The following ABHD2 variants were observed in gnomAD, a reference collection of about 807,000 sequenced individuals.
The protein encoded by ABHD2 is abhydrolase domain containing 2, acylglycerol lipase.
Under a neutral mutation model 48.1 loss-of-function variants are expected in ABHD2, and 20 were observed. That is an observed-to-expected ratio of 0.42 (90% CI 0.29 to 0.60). The LOEUF (loss-of-function observed/expected upper bound fraction) is 0.60. Among genes scored for constraint, ABHD2 ranks in the 20% least tolerant of loss-of-function variants. ABHD2 has a pLI of 0.24. For synonymous variants in ABHD2, 209 were observed against 214.2 expected, an observed-to-expected ratio of 0.98 and a Z score of 0.21; for missense variants, 405 against 550.9, an observed-to-expected ratio of 0.74 and a Z score of 2.65.
intron 5 of ABHD2, among the ~76,000 whole-genome samples, chr15:89,163,493 T>C (rs1380544212): frequency 6.6e-6 from 1 of 152,240 alleles, no homozygotes; most frequent in Non-Finnish European, 1.5e-5. Flanking sequence ...AGGTAGGTTT[T>C]AATTAGTATC....
intron 4 of ABHD2, among the ~76,000 whole-genome samples, chr15:89,154,000 A>G (rs2150892130): frequency 6.6e-6 from 1 of 152,306 alleles, no homozygotes. Flanking sequence ...CAACTTTGTG[A>G]TTATCAATAA....
rs2049632186 is a variant in ABHD2, at chr15:89,097,535, CT to C, written c.-107+8976del. ...ATTGATTGCTCTACCATTTATGTCT[CT>C]TTTAAGCTATAGGTCCCCTTTTCTT... On this transcript the variant is annotated intron_variant, in intron 1 of 10. Transcript: ENST00000352732. This position sits in a 1 kb window ranked among gnomAD's most constrained non-coding sequence, Gnocchi z 4.2. 6.6e-6 allele frequency among the ~76,000 whole-genome samples: 1 copy of C among 152,200 alleles called. No homozygotes were observed. The highest frequency in any genetic ancestry group is 2.4e-5 in the African/African-American group (1 of 41,454).
In ABHD2 at chr15:89,201,287, T is replaced by C; in HGVS notation, c.*5864T>C. 5 of 1,156,412 alleles carry C rather than the reference T, an allele frequency of 4.3e-6. No homozygotes were observed. Among genetic ancestry groups the C allele is most frequent in the Non-Finnish European group, 6.4e-6 (5 of 780,670 alleles). The allele number at this position is 1,156,412 out of a possible 1,614,324, so 71.6% of individuals were successfully genotyped here. A position where few individuals can be genotyped will look rare whatever the true frequency, so the allele number is the denominator to read the frequency against. On this transcript the variant is annotated 3_prime_UTR_variant, in exon 11 of 11. Coordinates refer to ENST00000352732, the MANE Select transcript of ABHD2 (RefSeq NM_152924.5). ...CATTTCTCCCTGAAGTCTTTTACACTCTTCTGTTAGTTTCCTTGTTTCAGT... is the reference window on the plus strand; with the variant it reads ...CATTTCTCCCTGAAGTCTTTTACACCCTTCTGTTAGTTTCCTTGTTTCAGT...
the ABHD2 span, among the ~76,000 whole-genome samples, chr15:89,064,141 T>C: frequency 6.6e-6 from 1 of 152,028 alleles, no homozygotes; most frequent in Non-Finnish European, 1.5e-5. Flanking sequence ...TTTAGCATAA[T>C]GCCTTTAAGC....
At chr15:89,066,549 A>G in the ABHD2 span, among the ~76,000 whole-genome samples, 2 of 152,144 alleles carry the variant, frequency 1.3e-5, no homozygotes, top group African/African-American at 4.8e-5. Context: ...GGACTTGAAC[A>G]TATATTTTGG....
rs1437842439 is a variant in ABHD2, at chr15:89,120,556, G to A, written c.194+4035G>A. Among the ~76,000 whole-genome samples, 3 of 151,944 alleles carry A rather than the reference G, an allele frequency of 2.0e-5. No homozygotes were observed. Among genetic ancestry groups the A allele is most frequent in the East Asian group, 3.9e-4 (2 of 5,166 alleles). On this transcript the variant is annotated intron_variant, in intron 3 of 10. Transcript: ENST00000352732. The surrounding 1 kb of genome is among the most constrained non-coding windows in gnomAD (Gnocchi z 4.2). ...GTACAGTGGCGCAATCTCAAATCTC[G>A]GTTCACTGCAACTTCTGCCTCACGG...
In ABHD2 at chr15:89,195,002, T is replaced by C. The variant is rs1369218627; in HGVS notation, c.1082-225T>C. On this transcript the variant is annotated intron_variant, in intron 10 of 10. Transcript: ENST00000352732. The surrounding 1 kb of genome is among the most constrained non-coding windows in gnomAD (Gnocchi z 5.1). ...TTAGAGTTCTAAGGCTTTCTTCAGC[T>C]GGTGCCCATTCAGCTCCAAAGCCAA... 6.6e-6 allele frequency among the ~76,000 whole-genome samples: 1 copy of C among 152,218 alleles called. No individual in the cohort carries two copies. The highest frequency in any genetic ancestry group is 2.4e-5 in the African/African-American group (1 of 41,468).
At chr15:89,110,673 A>T (rs2049859972) in intron 1 of ABHD2, among the ~76,000 whole-genome samples, 1 of 152,318 alleles carries the variant, frequency 6.6e-6, no homozygotes, top group Middle Eastern at 3.4e-3. Flanking sequence ...ACCCCCAGGG[A>T]CATGCAGAAC....
chr15:89,101,611 A>C (rs1306910227), intron 1 of ABHD2, among the ~76,000 whole-genome samples: 1 of 152,238 alleles, frequency 6.6e-6, no homozygotes. Context: ...TGAGGACTGA[A>C]TTACAAGTAC....
At chr15:89,138,575 T>C (rs1352991650) in intron 3 of ABHD2, among the ~76,000 whole-genome samples, 1 of 152,208 alleles carries the variant, frequency 6.6e-6, no homozygotes, top group East Asian at 1.9e-4. Flanking sequence ...AAAAAACTCC[T>C]CTAACAAGAA....
intron 5 of ABHD2, among the ~76,000 whole-genome samples, chr15:89,170,091 T>TG (rs2050899067): frequency 1.0e-5 from 1 of 100,460 alleles, no homozygotes; most frequent in Non-Finnish European, 1.8e-5. Flanking sequence ...TTTTTTTTTT[T>TG]TTTTTTTTTT....
Position 89,197,560 on chromosome 15 carries a change from G to A in ABHD2, c.*2137G>A, listed in dbSNP as rs886693775. 2 of 152,240 alleles carry A rather than the reference G, an allele frequency of 1.3e-5. No individual in the cohort carries two copies. Among genetic ancestry groups the A allele is most frequent in the Non-Finnish European group, 2.9e-5 (2 of 68,058 alleles). 9.4% of individuals were successfully genotyped at this position (152,240 alleles called of 1,614,324 possible). A position where few individuals can be genotyped will look rare whatever the true frequency, so the allele number is the denominator to read the frequency against. On this transcript the variant is annotated 3_prime_UTR_variant, in exon 11 of 11. Transcript: ENST00000352732. The surrounding 1 kb of genome is among the most constrained non-coding windows in gnomAD (Gnocchi z 4.4). The stretch of plus-strand genomic sequence containing the variant: ...GACTGAATCACCACCCCAGAAGAGC[G>A]AGAGGCTCCTTTCATATGCCTGAGG...
rs1203180009 is a variant in ABHD2, at chr15:89,100,597, A to C, written c.-107+12034A>C. The stretch of plus-strand genomic sequence containing the variant: ...AAAAAGGAACCTTATTGGCCAGGCA[A>C]AGTGGCTCACGCCTGTAATCCCAGC... On this transcript the variant is annotated intron_variant, in intron 1 of 10. Transcript: ENST00000352732. The surrounding 1 kb of genome is among the most constrained non-coding windows in gnomAD (Gnocchi z 4.4). Among the ~76,000 whole-genome samples the C allele has an allele frequency of 6.6e-6, 1 of 152,148 alleles. No homozygotes were observed.
chr15:89,152,077 GTTTT>G (rs34458230), intron 4 of ABHD2, among the ~76,000 whole-genome samples: 1 of 139,886 alleles, frequency 7.1e-6, no homozygotes, highest in Non-Finnish European at 1.6e-5. Context: ...TTGTAGAATA[GTTTT>G]TTTTTTTTTT....
intron 5 of ABHD2, among the ~76,000 whole-genome samples, chr15:89,163,994 T>A (rs1201594469): frequency 6.6e-6 from 1 of 151,978 alleles, no homozygotes. Context: ...GACTAAGGAG[T>A]GAGGAAATAG....
rs1392629944 is a variant in ABHD2 at position 89,182,223 on chromosome 15, T to G, written c.723-3201T>G. 6.6e-6 allele frequency among the ~76,000 whole-genome samples: 1 copy of G among 152,208 alleles called. No individual in the cohort carries two copies. Among genetic ancestry groups the G allele is most frequent in the African/African-American group, 2.4e-5 (1 of 41,454 alleles). On this transcript the variant is annotated intron_variant, in intron 6 of 10. Transcript: ENST00000352732. This position sits in a 1 kb window ranked among gnomAD's most constrained non-coding sequence, Gnocchi z 4.8. The stretch of plus-strand genomic sequence containing the variant: ...TCACTTCTTGAGAGTTTTGCAACTT[T>G]CAGAAAGCATCTTTCCTTTTGGAGT...
intron 7 of ABHD2, among the ~76,000 whole-genome samples, chr15:89,187,873 C>T (rs530838398): frequency 2.0e-5 from 3 of 152,196 alleles, no homozygotes; most frequent in Admixed American, 6.5e-5. Flanking sequence ...GTAAGGACGA[C>T]GCCCCTACGG....
chr15:89,061,874 C>CA, the ABHD2 span, among the ~76,000 whole-genome samples: 1 of 151,972 alleles, frequency 6.6e-6, no homozygotes, highest in South Asian at 2.1e-4. Flanking sequence ...GTGCCTGGCC[C>CA]AAAAAAGATA....
chr15:89,193,348 AC>A lies in ABHD2; in HGVS notation c.1081+30del, dbSNP rs1406765659. The A allele has an allele frequency of 1.9e-6, 3 of 1,577,574 alleles. No homozygotes were observed. In the African/African-American group the frequency reaches 4.0e-5, roughly 21 times the overall value. Reference sequence around the variant, plus strand: ...AGTGTTTCTTCCTGCTGCCCTCTCAACAGCTCAGCAAGTTGCCACAGTAAAT... The same window carrying A: ...AGTGTTTCTTCCTGCTGCCCTCTCAAAGCTCAGCAAGTTGCCACAGTAAAT... On this transcript the variant is annotated intron_variant, in intron 10 of 10. Transcript: ENST00000352732.
Sources: allele counts gnomAD v4.1 joint callset (sites outside exome capture counted in the v4.1 genomes callset), GRCh38; gene constraint gnomAD v4.1.1; non-coding constraint Gnocchi (gnomAD v3.1); transcripts MANE v1.5; gene names NCBI Gene and HGNC (gene_info 2026-07-23, HGNC 2026-07-21).